Variants in ULK4 observed in about 807,000 individuals in gnomAD.
ULK4 encodes the protein inactive serine/threonine-protein kinase ULK4.
In ULK4, 133 loss-of-function variants were observed where a neutral mutation model predicts 160.6. The observed-to-expected ratio is 0.83, with a 90% CI of 0.72 to 0.96. ULK4 has a LOEUF of 0.96. Among genes scored for constraint, ULK4 ranks in the 40% least tolerant of loss-of-function variants. ULK4 has a pLI of 0.00. For synonymous variants in ULK4, 534 were observed against 539.8 expected, an observed-to-expected ratio of 0.99 and a Z score of 0.15; for missense variants, 1,580 against 1,499.5, an observed-to-expected ratio of 1.05 and a Z score of -0.89.
intron 34 of ULK4, among the ~76,000 whole-genome samples, chr3:41,449,031 C>T (rs1396310242): frequency 1.3e-5 from 2 of 152,104 alleles, no homozygotes; most frequent in African/African-American, 2.4e-5. Flanking sequence ...AATTCTCCTG[C>T]CTCAGTCTCC....
intron 25 of ULK4, among the ~76,000 whole-genome samples, chr3:41,711,287 A>G (rs539269372): frequency 6.6e-6 from 1 of 152,182 alleles, no homozygotes; most frequent in Non-Finnish European, 1.5e-5. Flanking sequence ...GCAAACTTCA[A>G]AGATGGGAGT....
At chr3:41,647,797 G>A (rs1056369501) in intron 30 of ULK4, among the ~76,000 whole-genome samples, 9 of 152,192 alleles carry the variant, frequency 5.9e-5, no homozygotes, top group Admixed American at 2.0e-4. Context: ...CTGCCCCCAG[G>A]GGTGGAGCCT....
chr3:41,915,996 G>C lies in ULK4; in HGVS notation c.784C>G (p.Gln262Glu). ...CCCTACCTTTTCTGAGGATCTCTTT[G>C]AAGTAACCCATCAAGCAAATTAATA... Reference protein sequence around the residue: ...DFINLLDGLLQRDPQKRLTWT... With the variant: ...DFINLLDGLLERDPQKRLTWT... The change falls in exon 8 of 37, where the codon CAA (glutamine) becomes GAA (glutamate). Residue 262 changes from glutamine to glutamate, a missense_variant. Coordinates refer to ENST00000301831, the MANE Select transcript of ULK4 (RefSeq NM_017886.4). The C allele has an allele frequency of 1.9e-6, 3 of 1,589,542 alleles. No homozygotes were observed. Among genetic ancestry groups the C allele is most frequent in the Non-Finnish European group, 2.6e-6 (3 of 1,174,190 alleles).
In ULK4 at chr3:41,893,782, CAT is replaced by C. The variant is rs558153513; in HGVS notation, c.1577+1734_1577+1735del. On this transcript the variant is annotated intron_variant, in intron 16 of 36. Transcript: ENST00000301831. ...TATATATGTTACAGGGGAAAACAAA[CAT>C]AAAATTATATCATGTGATTCTAATT... Among the ~76,000 whole-genome samples the C allele has an allele frequency of 6.8e-4, 104 of 152,082 alleles. 1 individual carries two copies. Among genetic ancestry groups the C allele is most frequent in the Non-Finnish European group, 1.2e-3 (79 of 67,970 alleles).
At chr3:41,454,693 C>T (rs78266470) in intron 34 of ULK4, among the ~76,000 whole-genome samples, 3,021 of 151,944 alleles carry the variant, frequency 0.02, 94 homozygotes, top group African/African-American at 0.068. Context: ...AAACAGTTTT[C>T]TTAATTTTTA....
chr3:41,615,956 T>C (rs904371980), intron 30 of ULK4, among the ~76,000 whole-genome samples: 1 of 152,202 alleles, frequency 6.6e-6, no homozygotes, highest in Admixed American at 6.5e-5. Flanking sequence ...AAATCTCAAA[T>C]AGATTGGTAT....
intron 25 of ULK4, among the ~76,000 whole-genome samples, chr3:41,706,851 G>A (rs56065491): frequency 0.16 from 16,116 of 97,884 alleles, 2,955 homozygotes; most frequent in African/African-American, 0.47. Flanking sequence ...AAAAAAATAT[G>A]TGTGTGTGTG....
At chr3:41,542,550 G>A (rs1300218965) in intron 32 of ULK4, among the ~76,000 whole-genome samples, 1 of 152,090 alleles carries the variant, frequency 6.6e-6, no homozygotes, top group Non-Finnish European at 1.5e-5. Context: ...GAGTTAGGGA[G>A]GATTCTCTCT....
At chr3:41,461,615 C>T (rs1313324089) in intron 33 of ULK4, among the ~76,000 whole-genome samples, 1 of 152,178 alleles carries the variant, frequency 6.6e-6, no homozygotes, top group Non-Finnish European at 1.5e-5. Flanking sequence ...CAGTGATCTA[C>T]TGGGAAACCA....
At chr3:41,332,213 A>T (rs1035355193) in intron 35 of ULK4, among the ~76,000 whole-genome samples, 3 of 151,984 alleles carry the variant, frequency 2.0e-5, no homozygotes, top group Non-Finnish European at 4.4e-5. Flanking sequence ...AGAGGAAAAA[A>T]AAAAACAAAA....
intron 32 of ULK4, among the ~76,000 whole-genome samples, chr3:41,469,804 C>T (rs1258477739): frequency 6.8e-6 from 1 of 147,276 alleles, no homozygotes; most frequent in African/African-American, 2.6e-5. Context: ...AGAGACAATA[C>T]TGAACTGAAA....
intron 32 of ULK4, among the ~76,000 whole-genome samples, chr3:41,550,423 AC>A (rs2087017502): frequency 9.0e-6 from 1 of 111,616 alleles, no homozygotes; most frequent in Non-Finnish European, 2.0e-5. Flanking sequence ...ATACACATAA[AC>A]TTAAAGGTAT....
chr3:41,824,157 T>C (rs1269914795), intron 18 of ULK4, among the ~76,000 whole-genome samples: 1 of 132,960 alleles, frequency 7.5e-6, no homozygotes, highest in African/African-American at 3.3e-5. Flanking sequence ...AATGAGACTC[T>C]ATCTTTAAAA....
In ULK4 at chr3:41,583,169, G is replaced by A. The variant is rs149869927; in HGVS notation, c.3121-17039C>T. 3.1e-3 allele frequency among the ~76,000 whole-genome samples: 469 copies of A among 152,284 alleles called. 9 individuals are homozygous for A. The highest frequency in any genetic ancestry group is 0.023 in the Admixed American group (349 of 15,310). On this transcript the variant is annotated intron_variant, in intron 31 of 36. Coordinates refer to ENST00000301831, the MANE Select transcript of ULK4 (RefSeq NM_017886.4). Reference sequence around the variant, plus strand: ...CCCAGAAATGCCTCAGAGCTGCGGTGTGGCAGGAAGCCTAAATGAGGTCTC... The same window carrying A: ...CCCAGAAATGCCTCAGAGCTGCGGTATGGCAGGAAGCCTAAATGAGGTCTC...
At chr3:41,717,629 A>G in intron 23 of ULK4, 99 bp downstream of exon 23, 2 of 1,455,762 alleles carry the variant, frequency 1.4e-6, no homozygotes, top group Non-Finnish European at 1.9e-6. Flanking sequence ...TTTGCCTTCA[A>G]GAACAGACAA....
At chr3:41,381,349 T>C (rs2081648068) in intron 35 of ULK4, among the ~76,000 whole-genome samples, 1 of 152,216 alleles carries the variant, frequency 6.6e-6, no homozygotes, top group Admixed American at 6.5e-5. Context: ...CACATTCTGA[T>C]ACCATTCTGC....
rs57304574 is a variant in ULK4 at position 41,572,533 on chromosome 3, G to C, written c.3121-6403C>G. ...CCCAGCACTTTGGGAGGCCGAGGCA[G>C]GTGGATCACAAGGTCAGGAGATTGA... On this transcript the variant is annotated intron_variant, in intron 31 of 36. Transcript: ENST00000301831. Among the ~76,000 whole-genome samples the C allele has an allele frequency of 6.5e-3, 985 of 151,924 alleles. 12 individuals are homozygous for C. Among genetic ancestry groups the C allele is most frequent in the African/African-American group, 0.022 (929 of 41,430 alleles).
intron 17 of ULK4, among the ~76,000 whole-genome samples, chr3:41,868,265 G>C (rs1247437553): frequency 6.6e-6 from 1 of 151,910 alleles, no homozygotes; most frequent in Non-Finnish European, 1.5e-5. Context: ...TTTTAAAGTA[G>C]TCTCATTTCA....
At position 41,626,899 on chromosome 3, in the gene ULK4, T is replaced by A. The variant is rs190134834; in HGVS notation, c.3072-11182A>T. 1.4e-4 allele frequency among the ~76,000 whole-genome samples: 21 copies of A among 152,292 alleles called. No individual in the cohort carries two copies. In the East Asian group the frequency reaches 4.0e-3, roughly 29 times the overall value. ...TATGGTGGCCTTGGTCTTTCTCTAT[T>A]TTCTGGCACAGCTGTATTTCATGTC... On this transcript the variant is annotated intron_variant, in intron 30 of 36. Transcript: ENST00000301831.
Sources: allele counts gnomAD v4.1 joint callset (sites outside exome capture counted in the v4.1 genomes callset), GRCh38; gene constraint gnomAD v4.1.1; transcripts MANE v1.5; gene names NCBI Gene and HGNC (gene_info 2026-07-23, HGNC 2026-07-21).